The following SLC22A6 variants were observed in gnomAD, a reference collection of about 807,000 sequenced individuals.
The protein encoded by SLC22A6 is PAH transporter.
A neutral mutation model predicts 56.7 loss-of-function variants in SLC22A6; 45 were observed. The observed-to-expected ratio is 0.79, with a 90% CI of 0.63 to 1.02. The LOEUF (loss-of-function observed/expected upper bound fraction) is 1.02. Among genes scored for constraint, SLC22A6 ranks in the 50% least tolerant of loss-of-function variants. SLC22A6 has a pLI of 0.00. For missense variants in SLC22A6, 606 were observed against 713.8 expected (o/e 0.85, Z 1.72); for synonymous variants, 291 against 295.9 (o/e 0.98, Z 0.17).
intron 1 of SLC22A6, 69 bp downstream of exon 1, chr11:62,984,253 T>TC: frequency 6.6e-7 from 1 of 1,505,938 alleles, no homozygotes; most frequent in Non-Finnish European, 8.9e-7. Flanking sequence ...CATGTACTTT[T>TC]TTTTTTTTTT....
Position 62,984,841 on chromosome 11 carries a change from G to A in SLC22A6, c.-151C>T. ...CCGGGAGCTGAGTCCGAGCTGCTCT[G>A]TGGGGGGACAGCAGCCTCCTTGGCT... On this transcript the variant is annotated 5_prime_UTR_variant, in exon 1 of 10. Coordinates refer to ENST00000360421, the MANE Select transcript of SLC22A6 (RefSeq NM_153276.3). 1.3e-6 allele frequency: 1 copy of A among 748,624 alleles called. No homozygotes were observed. The highest frequency in any genetic ancestry group is 1.9e-5 in the South Asian group (1 of 53,540). 46.4% of individuals were successfully genotyped at this position (748,624 alleles called of 1,614,324 possible).
In SLC22A6 at chr11:62,984,902, C is replaced by T. The variant is rs1272088630; in HGVS notation, c.-212G>A. 6.9e-6 allele frequency: 4 copies of T among 580,298 alleles called. No individual in the cohort carries two copies. Among genetic ancestry groups the T allele is most frequent in the East Asian group, 2.9e-5 (1 of 34,240 alleles). 35.9% of individuals were successfully genotyped at this position (580,298 alleles called of 1,614,324 possible). On this transcript the variant is annotated 5_prime_UTR_variant, in exon 1 of 10. Transcript: ENST00000360421. ...CTTCCCCGGTCTCCCTGATCTGTCC[C>T]TCCCTTTTCCCTTGCAGCTTCTCCT...
At position 62,981,992 on chromosome 11, in the gene SLC22A6, A is replaced by C. The variant is rs773358538; in HGVS notation, c.647T>G (p.Ile216Ser). The C allele has an allele frequency of 2.5e-6, 4 of 1,613,778 alleles. No homozygotes were observed. The highest frequency in any genetic ancestry group is 1.6e-4 in the Middle Eastern group (1 of 6,074). The change falls in exon 4 of 10, where the codon ATT (isoleucine) becomes AGT (serine). Residue 216 changes from isoleucine to serine, a missense_variant. Physicochemically the swap from Ile to Ser is moderately radical, Grantham distance 142. Transcript: ENST00000360421. ...GGTGCCCACGCAGGCCCGTGTGTGA[A>C]TGGGCATCCACTCCACATCTGGAAA... Reference protein sequence around the residue: ...CMTLNVEWMPIHTRACVGTLI... With the variant: ...CMTLNVEWMPSHTRACVGTLI...
rs894572791 is a variant in SLC22A6, at chr11:62,983,655, C to T, written c.510G>A (p.Leu170=). 21 of 1,612,560 alleles carry T rather than the reference C, an allele frequency of 1.3e-5. No homozygotes were observed. Among genetic ancestry groups the T allele is most frequent in the East Asian group, 6.7e-5 (3 of 44,864 alleles). Residue 170 remains leucine (L), a synonymous_variant, in exon 3 of 10, where the codon CTG becomes CTA. Transcript: ENST00000360421. The surrounding 1 kb of genome is among the most constrained non-coding windows in gnomAD (Gnocchi z 4.5). Reference sequence around the variant, plus strand: ...CGCAGGTCCCTGACACAGCTGTCTGCAGGTAGTTCAAGATGAGTACCTTCC... The same window carrying T: ...CGCAGGTCCCTGACACAGCTGTCTGTAGGTAGTTCAAGATGAGTACCTTCC... ...GRRKVLILNY[L]QTAVSGTCAA... is the part of the protein sequence containing the mutation.
chr11:62,979,489 G>C lies in SLC22A6; in HGVS notation c.1360C>G (p.Arg454Gly). The change falls in exon 8 of 10, where the codon CGG (arginine) becomes GGG (glycine). Residue 454 changes from arginine to glycine, a missense_variant and splice_region_variant. By Grantham distance (125) the Arg-to-Gly change is moderately radical. Coordinates refer to ENST00000360421, the MANE Select transcript of SLC22A6 (RefSeq NM_153276.3). ...TTCTCCCATTAGGCTCCCACTCACC[G>C]GATCATTGTGGGATACAGTTCCCCA... is the stretch of plus-strand genomic sequence containing the variant. ...YTGELYPTMI[R>G]QTGMGMGSTM... 6.3e-7 allele frequency: 1 copy of C among 1,579,432 alleles called. No homozygotes were observed. Among genetic ancestry groups the C allele is most frequent in the Non-Finnish European group, 8.7e-7 (1 of 1,148,166 alleles).
chr11:62,982,517 G>C (rs1210803238), intron 3 of SLC22A6, among the ~76,000 whole-genome samples: 1 of 152,214 alleles, frequency 6.6e-6, no homozygotes, highest in East Asian at 1.9e-4. Context: ...ACAGGGACTT[G>C]GATACTTAGG....
At position 62,984,586 on chromosome 11, in the gene SLC22A6, G is replaced by A; in HGVS notation, c.105C>T (p.Asn35=). ...TGGCAGCAGTGAAGTTCTGCAGGGT[G>A]TTGTGAGAAGCCATCAGGAGCAGGG... The part of the protein sequence containing the change: ...VLPLLLMASH[N]TLQNFTAAIP... Residue 35 remains asparagine, a synonymous_variant, in exon 1 of 10, where the codon AAC becomes AAT. Coordinates refer to ENST00000360421, the MANE Select transcript of SLC22A6 (RefSeq NM_153276.3). The A allele has an allele frequency of 6.2e-7, 1 of 1,613,602 alleles. No homozygotes were observed. The highest frequency in any genetic ancestry group is 8.5e-7 in the Non-Finnish European group (1 of 1,179,802).
chr11:62,979,790 A>G lies in SLC22A6; in HGVS notation c.1196T>C (p.Met399Thr). The G allele has an allele frequency of 6.2e-7, 1 of 1,614,208 alleles. No individual in the cohort carries two copies. The highest frequency in any genetic ancestry group is 2.2e-5 in the East Asian group (1 of 44,886). The change falls in exon 7 of 10, where the codon ATG becomes ACG. Residue 399 changes from methionine to threonine, a missense_variant. By Grantham distance (81) the Met-to-Thr change is moderately conservative. Coordinates refer to ENST00000360421, the MANE Select transcript of SLC22A6 (RefSeq NM_153276.3). The stretch of plus-strand genomic sequence containing the variant: ...GATGCCTGCCAGCAGCAGTGCAGCC[A>G]TCTGGGCAGGCCGGCGACCCAGGGA... Reference protein sequence around the residue: ...INSLGRRPAQMAALLLAGICI... With the variant: ...INSLGRRPAQTAALLLAGICI...
In SLC22A6 at chr11:62,983,735, T is replaced by C. The variant is rs1159374553; in HGVS notation, c.474-44A>G. ...CTTGTAGCAGGGCCCTGGAGACTGA[T>C]GGGGGTCAGGCTGAGCCAGGAGAGG... On this transcript the variant is annotated intron_variant, in intron 2 of 9. Transcript: ENST00000360421. This position sits in a 1 kb window ranked among gnomAD's most constrained non-coding sequence, Gnocchi z 4.5. 2 of 1,568,752 alleles carry C rather than the reference T, an allele frequency of 1.3e-6. No homozygotes were observed. The highest frequency in any genetic ancestry group is 1.7e-6 in the Non-Finnish European group (2 of 1,156,836).
In SLC22A6 at chr11:62,977,186, G is replaced by A; in HGVS notation, c.1563C>T (p.Ser521=). 1 of 1,614,182 alleles carries A rather than the reference G, an allele frequency of 6.2e-7. No individual in the cohort carries two copies. The highest frequency in any genetic ancestry group is 8.5e-7 in the Non-Finnish European group (1 of 1,180,034). The change falls in exon 9 of 10, where the codon AGC becomes AGT. Residue 521 remains serine (S), a splice_region_variant and synonymous_variant. Coordinates refer to ENST00000360421, the MANE Select transcript of SLC22A6 (RefSeq NM_153276.3). ...CTTCTTTCTGAGTGGGGGCCCACCT[G>A]CTCTCCAGGTCCTGCACCGTGTCTG... ...PLPDTVQDLE[S]RKGKQTRQQQ...
intron 3 of SLC22A6, among the ~76,000 whole-genome samples, chr11:62,982,380 A>G (rs2086266210): frequency 6.6e-6 from 1 of 152,154 alleles, no homozygotes; most frequent in African/African-American, 2.4e-5. Context: ...CAGTGGCCAG[A>G]GCATCTTGGA....
Position 62,976,877 on chromosome 11 carries a change from C to T in SLC22A6, c.1570G>A (p.Gly524Arg). The T allele has an allele frequency of 6.2e-7, 1 of 1,613,982 alleles. No individual in the cohort carries two copies. Among genetic ancestry groups the T allele is most frequent in the Non-Finnish European group, 8.5e-7 (1 of 1,179,962 alleles). Residue 524 changes from glycine to arginine, a missense_variant, in exon 10 of 10, where the codon GGG becomes AGG. Coordinates refer to ENST00000360421, the MANE Select transcript of SLC22A6 (RefSeq NM_153276.3). The part of the protein sequence containing the change: ...DTVQDLESRK[G>R]KQTRQQQEHQ... ...TCTTGTTGCTGTCGCGTCTGTTTCC[C>T]TTTCCTGCAGGGCGGCAGAAGAATG...
At chr11:62,978,713 TC>T (rs1490177922) in intron 8 of SLC22A6, among the ~76,000 whole-genome samples, 7 of 150,446 alleles carry the variant, frequency 4.7e-5, no homozygotes, top group African/African-American at 1.7e-4. Flanking sequence ...TGCCTCAGCC[TC>T]CCAAGTAGCT....
chr11:62,981,233 A>G, intron 5 of SLC22A6, 27 bp downstream of exon 5: 1 of 1,609,480 alleles, frequency 6.2e-7, no homozygotes, highest in Non-Finnish European at 8.5e-7. Flanking sequence ...CTGGGAGGTT[A>G]TCATGGGAAG....
At position 62,984,548 on chromosome 11, in the gene SLC22A6, T is replaced by G. The variant is rs1590681449; in HGVS notation, c.143A>C (p.His48Pro). The change falls in exon 1 of 10, where the codon CAC becomes CCC. Residue 48 changes from histidine (H) to proline (P), a missense_variant. By Grantham distance (77) the His-to-Pro change is moderately conservative (BLOSUM62 -2). Coordinates refer to ENST00000360421, the MANE Select transcript of SLC22A6 (RefSeq NM_153276.3). The part of the protein sequence containing the change: ...QNFTAAIPTH[H>P]CRPPADANLS... ...GTTGGCATCGGCAGGCGGGCGGCAG[T>G]GGTGGGTAGGGATGGCAGCAGTGAA... 6.2e-7 allele frequency: 1 copy of G among 1,613,554 alleles called. No homozygotes were observed. Among genetic ancestry groups the G allele is most frequent in the Non-Finnish European group, 8.5e-7 (1 of 1,179,810 alleles).
At chr11:62,979,379 G>T (rs924876665) in intron 8 of SLC22A6, 109 bp downstream of exon 8, 19 of 753,912 alleles carry the variant, frequency 2.5e-5, no homozygotes, top group Admixed American at 2.2e-4. Flanking sequence ...TGTTGGGAGG[G>T]GCCTTTGGGC....
rs1297507089 is a variant in SLC22A6 at position 62,981,838 on chromosome 11, G to A, written c.797+4C>T. 6.2e-6 allele frequency: 10 copies of A among 1,605,816 alleles called. 1 individual carries two copies. Among genetic ancestry groups the A allele is most frequent in the South Asian group, 5.6e-5 (5 of 89,486 alleles). On this transcript the variant is annotated splice_donor_region_variant and intron_variant, in intron 4 of 9. Transcript: ENST00000360421. The stretch of plus-strand genomic sequence containing the variant: ...AACCACCTCCAACCCTAGGCCCCAC[G>A]CACCAGGAGTAGATGAAGAAGGCAA...
chr11:62,979,694 G>A, intron 7 of SLC22A6, 40 bp downstream of exon 7: 1 of 1,603,550 alleles, frequency 6.2e-7, no homozygotes, highest in South Asian at 1.1e-5. Context: ...TGTGGGGATG[G>A]GGCTGAGGAG....
At chr11:62,980,147 C>T (rs2086237187) in intron 6 of SLC22A6, among the ~76,000 whole-genome samples, 199 bp from the exon 7 acceptor site, 1 of 152,162 alleles carries the variant, frequency 6.6e-6, no homozygotes, top group Admixed American at 6.5e-5. Context: ...CCAAATTTGC[C>T]AATCTTCTGA....
Sources: gnomAD v4.1 joint callset for allele counts (sites outside exome capture counted in the v4.1 genomes callset) on GRCh38, gnomAD v4.1.1 for gene constraint, Gnocchi (gnomAD v3.1) non-coding constraint, MANE v1.5 for transcripts, NCBI Gene and HGNC (gene_info 2026-07-23, HGNC 2026-07-21) for gene names.